KCNIP1: variants seen among roughly 807,000 people sequenced by gnomAD.
KCNIP1 encodes the protein potassium voltage-gated channel interacting protein 1, also known as A-type potassium channel modulatory protein KCNIP1.
Under a neutral mutation model 33.0 loss-of-function variants are expected in KCNIP1, and 18 were observed. That is an observed-to-expected ratio of 0.55 (90% CI 0.38 to 0.81). The LOEUF (loss-of-function observed/expected upper bound fraction) is 0.81, where lower values mean the gene tolerates loss of function less well. Among genes scored for constraint, KCNIP1 ranks in the 30% least tolerant of loss-of-function variants. The probability of loss-of-function intolerance (pLI) is 0.00; values close to 1 mark genes in which losing one functional copy is unlikely to be tolerated. For synonymous variants in KCNIP1, 93 were observed against 98.3 expected (o/e 0.95, Z 0.32); for missense variants, 238 against 271.6 (o/e 0.88, Z 0.87).
intron 1 of KCNIP1, among the ~76,000 whole-genome samples, chr5:170,664,705 G>C (rs1230455430): frequency 6.6e-6 from 1 of 152,076 alleles, no homozygotes; most frequent in African/African-American, 2.4e-5. Flanking sequence ...GCCCTCAAGG[G>C]GTTTTCAGTT....
chr5:170,392,644 G>A (rs537948749), intron 1 of KCNIP1, among the ~76,000 whole-genome samples: 2 of 152,274 alleles, frequency 1.3e-5, no homozygotes, highest in Admixed American at 6.5e-5. Flanking sequence ...CCAACATGGC[G>A]AAACCCCGTT....
chr5:170,676,386 T>A (rs1762146959), intron 1 of KCNIP1, among the ~76,000 whole-genome samples: 2 of 152,152 alleles, frequency 1.3e-5, no homozygotes, highest in African/African-American at 4.8e-5. Context: ...TCGTCAGTGA[T>A]GGGAATGGTA....
intron 1 of KCNIP1, among the ~76,000 whole-genome samples, chr5:170,654,752 C>T (rs1355244821): frequency 2.0e-5 from 3 of 152,172 alleles, no homozygotes; most frequent in African/African-American, 4.8e-5. Context: ...CCAGGGTATG[C>T]TTGCAGTCAG....
chr5:170,354,453 C>T (rs1324073512), intron 1 of KCNIP1, among the ~76,000 whole-genome samples: 4 of 152,224 alleles, frequency 2.6e-5, no homozygotes, highest in South Asian at 2.1e-4. Context: ...CAGCTCTGCA[C>T]CTCAAGTGCC....
chr5:170,576,347 G>A (rs79161121), intron 1 of KCNIP1, among the ~76,000 whole-genome samples: 10,578 of 152,226 alleles, frequency 0.069, 507 homozygotes, highest in African/African-American at 0.14. Flanking sequence ...TATAAGCTAT[G>A]TGGCCTTCTA....
At chr5:170,364,255 C>T (rs1468077432) in intron 1 of KCNIP1, among the ~76,000 whole-genome samples, 2 of 152,180 alleles carry the variant, frequency 1.3e-5, no homozygotes, top group African/African-American at 2.4e-5. Flanking sequence ...ATTGGCCCAC[C>T]TTGGCCTCCC....
chr5:170,652,899 C>T (rs905241524), intron 1 of KCNIP1, among the ~76,000 whole-genome samples: 19 of 152,214 alleles, frequency 1.2e-4, no homozygotes, highest in African/African-American at 4.6e-4. Context: ...ACCCTGGGTG[C>T]ATACCCCCAC....
At chr5:170,654,110 A>G (rs553461704) in intron 1 of KCNIP1, among the ~76,000 whole-genome samples, 3 of 152,216 alleles carry the variant, frequency 2.0e-5, no homozygotes, top group Non-Finnish European at 4.4e-5. Context: ...TCCATTCACC[A>G]GTGCCAAGCC....
chr5:170,651,598 C>G (rs1157433693), intron 1 of KCNIP1, among the ~76,000 whole-genome samples: 1 of 152,192 alleles, frequency 6.6e-6, no homozygotes, highest in African/African-American at 2.4e-5. Flanking sequence ...TACCGCCACC[C>G]CCCCAGCTGA....
chr5:170,582,646 T>A (rs548682244), intron 1 of KCNIP1, among the ~76,000 whole-genome samples: 1 of 152,306 alleles, frequency 6.6e-6, no homozygotes, highest in Non-Finnish European at 1.5e-5. Context: ...TCCAGGGACC[T>A]GCTTTGCAGG....
chr5:170,456,697 C>CTT (rs1561634529), intron 1 of KCNIP1, among the ~76,000 whole-genome samples: 494 of 47,304 alleles, frequency 0.01, 7 homozygotes, highest in African/African-American at 0.05. Context: ...CTCTCTCTCT[C>CTT]TCTTTTTCTT....
intron 1 of KCNIP1, chr5:170,376,412 C>T (rs916560457): frequency 6.6e-6 from 1 of 151,938 alleles, no homozygotes; most frequent in African/African-American, 2.4e-5. Context: ...ATCTGCCCAC[C>T]TCGGCCTCCC....
intron 1 of KCNIP1, among the ~76,000 whole-genome samples, chr5:170,388,685 G>C (rs977342914): frequency 6.6e-6 from 1 of 152,166 alleles, no homozygotes; most frequent in Non-Finnish European, 1.5e-5. Context: ...GTGGGGTGTG[G>C]ACAGGGCGAT....
At chr5:170,390,515 C>T (rs10067772) in intron 1 of KCNIP1, among the ~76,000 whole-genome samples, 15,110 of 66,944 alleles carry the variant, frequency 0.23, 2,218 homozygotes, top group Admixed American at 0.34. Flanking sequence ...AAAAAAAAAA[C>T]AAATATATAT....
At chr5:170,413,044 G>T (rs527275145) in intron 1 of KCNIP1, among the ~76,000 whole-genome samples, 1 of 152,232 alleles carries the variant, frequency 6.6e-6, no homozygotes, top group Admixed American at 6.5e-5. Flanking sequence ...TGCTAAAGCA[G>T]CGCTGGGCGT....
intron 1 of KCNIP1, among the ~76,000 whole-genome samples, chr5:170,566,708 A>C (rs1275072134): frequency 1.3e-5 from 2 of 152,212 alleles, no homozygotes; most frequent in African/African-American, 4.8e-5. Flanking sequence ...AGAAAAGCCA[A>C]GGAGGGGGAG....
At chr5:170,654,690 G>A (rs1218637311) in intron 1 of KCNIP1, among the ~76,000 whole-genome samples, 1 of 152,130 alleles carries the variant, frequency 6.6e-6, no homozygotes, top group Non-Finnish European at 1.5e-5. Context: ...ATCCACCTGT[G>A]GGTAAATTAG....
chr5:170,534,208 T>C (rs2113355123), intron 1 of KCNIP1, among the ~76,000 whole-genome samples: 1 of 152,320 alleles, frequency 6.6e-6, no homozygotes, highest in East Asian at 1.9e-4. Flanking sequence ...TTTAATGGGT[T>C]GGAATGGAAA....
At chr5:170,694,226 G>C (rs1762818110) in intron 1 of KCNIP1, among the ~76,000 whole-genome samples, 1 of 152,048 alleles carries the variant, frequency 6.6e-6, no homozygotes, top group Admixed American at 6.5e-5. Flanking sequence ...ATACATTTTG[G>C]CTTACAATTT....
Sources: allele counts gnomAD v4.1 joint callset (sites outside exome capture counted in the v4.1 genomes callset), GRCh38; gene constraint gnomAD v4.1.1; transcripts MANE v1.5; gene names NCBI Gene and HGNC (gene_info 2026-07-23, HGNC 2026-07-21).